PDE10A: variants seen among roughly 807,000 people sequenced by gnomAD.
PDE10A encodes cAMP and cAMP-inhibited cGMP 3',5'-cyclic phosphodiesterase 10A.
Under a neutral mutation model 97.7 loss-of-function variants are expected in PDE10A, and 39 were observed. The observed-to-expected ratio is 0.40, with a 90% CI of 0.31 to 0.52. The LOEUF (loss-of-function observed/expected upper bound fraction) is 0.52. PDE10A is among the 20% of genes least tolerant of loss of function. PDE10A has a pLI of 0.56. For missense variants in PDE10A, 731 were observed against 1,047.8 expected, an observed-to-expected ratio of 0.70 and a Z score of 4.17; for synonymous variants, 371 against 376.8, an observed-to-expected ratio of 0.98 and a Z score of 0.18.
chr6:165,814,092 T>A (rs1197888465), intron 1 of PDE10A, among the ~76,000 whole-genome samples: 1 of 152,182 alleles, frequency 6.6e-6, no homozygotes, highest in African/African-American at 2.4e-5. Flanking sequence ...GTCAAGGATG[T>A]TATGAAATAC....
intron 2 of PDE10A, among the ~76,000 whole-genome samples, chr6:165,507,005 T>G (rs1026553837): frequency 4.6e-5 from 7 of 152,236 alleles, no homozygotes; most frequent in South Asian, 2.1e-4. Flanking sequence ...TGTTTAGAAT[T>G]TATGTTTTTG....
At chr6:165,647,146 G>A (rs1395015594) in intron 1 of PDE10A, among the ~76,000 whole-genome samples, 1 of 152,194 alleles carries the variant, frequency 6.6e-6, no homozygotes, top group Non-Finnish European at 1.5e-5. Context: ...TCCACACACA[G>A]AGTTAAGAAT....
intron 19 of PDE10A, 47 bp from the exon 20 acceptor site, chr6:165,339,405 C>A (rs779881491): frequency 2.2e-5 from 24 of 1,095,008 alleles, no homozygotes; most frequent in Non-Finnish European, 3.0e-5. Context: ...TTTCAAATTG[C>A]TATACTATTT....
At chr6:165,599,073 A>G (rs918781234) in intron 1 of PDE10A, among the ~76,000 whole-genome samples, 1 of 152,292 alleles carries the variant, frequency 6.6e-6, no homozygotes, top group Non-Finnish European at 1.5e-5. Flanking sequence ...ATTCTAATCT[A>G]TCTCCCAAAG....
Position 165,661,911 on chromosome 6 carries a change from G to T in PDE10A, c.865+36C>A. 1.2e-6 allele frequency: 1 copy of T among 823,762 alleles called. No individual in the cohort carries two copies. Among genetic ancestry groups the T allele is most frequent in the South Asian group, 1.5e-5 (1 of 67,102 alleles). The allele number at this position is 823,762 out of a possible 1,614,324, so 51.0% of individuals were successfully genotyped here. On this transcript the variant is annotated intron_variant, in intron 1 of 21. Transcript: ENST00000539869. The surrounding 1 kb of genome is among the most constrained non-coding windows in gnomAD (Gnocchi z 4.8). Reference sequence around the variant, plus strand: ...ACCTGCCCCCAGGGGATGAGGAGCCGCCCCACCTCCGGGGAACGGGGAGCA... The same window carrying T: ...ACCTGCCCCCAGGGGATGAGGAGCCTCCCCACCTCCGGGGAACGGGGAGCA...
At chr6:165,702,992 T>C (rs1433920987) in intron 1 of PDE10A, among the ~76,000 whole-genome samples, 1 of 152,216 alleles carries the variant, frequency 6.6e-6, no homozygotes, top group Non-Finnish European at 1.5e-5. Context: ...TCCCCTGTTC[T>C]TCCACTTGCC....
At chr6:165,882,281 T>C (rs901615841) in intron 1 of PDE10A, among the ~76,000 whole-genome samples, 12 of 152,236 alleles carry the variant, frequency 7.9e-5, no homozygotes, top group Admixed American at 6.5e-4. Flanking sequence ...GCAGCTAGAC[T>C]GTGTGTTCCC....
intron 1 of PDE10A, among the ~76,000 whole-genome samples, chr6:165,592,459 A>C (rs1044743601): frequency 6.6e-6 from 1 of 152,210 alleles, no homozygotes; most frequent in Non-Finnish European, 1.5e-5. Context: ...ATGGGATCTA[A>C]TTAAACTAAA....
At chr6:165,526,125 G>T (rs947327668) in intron 2 of PDE10A, among the ~76,000 whole-genome samples, 1 of 152,072 alleles carries the variant, frequency 6.6e-6, no homozygotes, top group Non-Finnish European at 1.5e-5. Context: ...GGAGACCTCC[G>T]GCCTTTTACC....
intron 3 of PDE10A, among the ~76,000 whole-genome samples, chr6:165,463,932 T>C (rs560700811): frequency 2.0e-5 from 3 of 152,356 alleles, no homozygotes; most frequent in African/African-American, 7.2e-5. Context: ...AACCTATTCC[T>C]TTAATTAGGT....
At chr6:165,708,578 C>A (rs563974579) in intron 1 of PDE10A, among the ~76,000 whole-genome samples, 15 of 151,828 alleles carry the variant, frequency 9.9e-5, no homozygotes, top group Non-Finnish European at 1.6e-4. Context: ...CCGTGCTCCT[C>A]CCCATCAGAA....
rs554111111 is a variant in PDE10A, at chr6:165,375,133, A to G, written c.2783+4061T>C. Among the ~76,000 whole-genome samples the G allele has an allele frequency of 2.0e-5, 3 of 152,246 alleles. No individual in the cohort carries two copies. In the East Asian group the frequency reaches 5.8e-4, roughly 29 times the overall value. Reference sequence around the variant, plus strand: ...AATTAGGCCAATTAATAACTCTACAATGACCTCTAACTGTTCAAGTGAAAA... The same window carrying G: ...AATTAGGCCAATTAATAACTCTACAGTGACCTCTAACTGTTCAAGTGAAAA... On this transcript the variant is annotated intron_variant, in intron 18 of 21. Coordinates refer to ENST00000539869, the MANE Select transcript of PDE10A (RefSeq NM_001385079.1).
At chr6:165,903,744 C>CAA (rs113709071) in intron 1 of PDE10A, among the ~76,000 whole-genome samples, 5 of 148,590 alleles carry the variant, frequency 3.4e-5, no homozygotes, top group African/African-American at 7.4e-5. Flanking sequence ...AGTGTAGATA[C>CAA]AAAAAAAAAG....
At chr6:165,885,014 T>C (rs1006567676) in intron 1 of PDE10A, among the ~76,000 whole-genome samples, 1 of 152,152 alleles carries the variant, frequency 6.6e-6, no homozygotes, top group Non-Finnish European at 1.5e-5. Context: ...GCGGCCTTCA[T>C]GTGCACGCCC....
rs201979467 is a variant in PDE10A at position 165,794,135 on chromosome 6, T to A, written c.-615+193394A>T. 1.5e-3 allele frequency among the ~76,000 whole-genome samples: 219 copies of A among 144,540 alleles called. 2 individuals carry two copies. Among genetic ancestry groups the A allele is most frequent in the African/African-American group, 5.4e-3 (211 of 39,154 alleles). The allele number at this position is 144,540 out of a possible 152,430, so 94.8% of individuals were successfully genotyped here. A position where few individuals can be genotyped will look rare whatever the true frequency, so the allele number is the denominator to read the frequency against. The stretch of plus-strand genomic sequence containing the variant: ...CAGGCATACACACACACACACACGC[T>A]CACACTCACTCACACACACTCACTG... On this transcript the variant is annotated intron_variant, in intron 1 of 19. Coordinates refer to the PDE10A transcript ENST00000366882.
At chr6:165,970,019 A>G (rs1018716684) in intron 1 of PDE10A, among the ~76,000 whole-genome samples, 2 of 152,252 alleles carry the variant, frequency 1.3e-5, no homozygotes, top group African/African-American at 4.8e-5. Context: ...AAGTGGTCAA[A>G]GTAAACACCG....
intron 3 of PDE10A, among the ~76,000 whole-genome samples, chr6:165,481,145 TCA>T (rs1779583682): frequency 6.6e-6 from 1 of 152,188 alleles, no homozygotes; most frequent in African/African-American, 2.4e-5. Flanking sequence ...CTGCCAAAGT[TCA>T]CTTTTCAGAG....
intron 17 of PDE10A, among the ~76,000 whole-genome samples, chr6:165,380,271 T>C (rs1451343546): frequency 2.0e-5 from 3 of 152,204 alleles, no homozygotes; most frequent in Non-Finnish European, 4.4e-5. Context: ...TACTCTAAGT[T>C]GATTTTCAAT....
Position 165,577,410 on chromosome 6 carries a change from G to A in PDE10A, c.866-33842C>T, listed in dbSNP as rs77499638. 3.6e-3 allele frequency among the ~76,000 whole-genome samples: 543 copies of A among 152,228 alleles called. 5 individuals are homozygous for A. Among genetic ancestry groups the A allele is most frequent in the African/African-American group, 0.012 (516 of 41,524 alleles). ...ATTCCAAGACCTTCCAGGGCAGCAC[G>A]CAACACTCCATGCTCAAGAAACTCT... is the stretch of plus-strand genomic sequence containing the variant. On this transcript the variant is annotated intron_variant, in intron 1 of 21. Coordinates refer to ENST00000539869, the MANE Select transcript of PDE10A (RefSeq NM_001385079.1).
Sources: allele counts gnomAD v4.1 joint callset (sites outside exome capture counted in the v4.1 genomes callset), GRCh38; gene constraint gnomAD v4.1.1; non-coding constraint Gnocchi (gnomAD v3.1); transcripts MANE v1.5; gene names NCBI Gene and HGNC (gene_info 2026-07-23, HGNC 2026-07-21).